RARB: variants seen among roughly 807,000 people sequenced by gnomAD.
RARB encodes HBV-activated protein.
Under a neutral mutation model 51.9 loss-of-function variants are expected in RARB, and 17 were observed. That is an observed-to-expected ratio of 0.33 (90% CI 0.22 to 0.49). The LOEUF (loss-of-function observed/expected upper bound fraction) is 0.49. Ranked by LOEUF, RARB falls within the 20% of genes least tolerant of loss-of-function variation. The pLI is 0.99. For synonymous variants in RARB, 215 were observed against 195.4 expected, an observed-to-expected ratio of 1.10 and a Z score of -0.84; for missense variants, 369 against 550.8, an observed-to-expected ratio of 0.67 and a Z score of 3.30.
At chr3:25,518,147 A>T (rs575657824) in intron 3 of RARB, among the ~76,000 whole-genome samples, 1 of 152,214 alleles carries the variant, frequency 6.6e-6, no homozygotes, top group African/African-American at 2.4e-5. Context: ...TCTTAATTTT[A>T]AAAAACCGAT....
At chr3:25,148,101 T>C (rs1700223832) in intron 4 of RARB, among the ~76,000 whole-genome samples, 1 of 152,208 alleles carries the variant, frequency 6.6e-6, no homozygotes, top group South Asian at 2.1e-4. Context: ...CTGTTACTTG[T>C]AGCCAAAAAG....
At chr3:25,275,268 C>G (rs1168685985) in intron 5 of RARB, among the ~76,000 whole-genome samples, 1 of 152,152 alleles carries the variant, frequency 6.6e-6, no homozygotes. Flanking sequence ...TCAAGACCAG[C>G]CTGGGCACAT....
At chr3:25,036,708 T>C (rs966411364) in intron 2 of RARB, among the ~76,000 whole-genome samples, 4 of 152,128 alleles carry the variant, frequency 2.6e-5, no homozygotes, top group Admixed American at 6.5e-5. Flanking sequence ...TCTTTGTTTG[T>C]AGGGCTGCTT....
intron 2 of RARB, among the ~76,000 whole-genome samples, chr3:24,920,236 C>T (rs1423529007): frequency 6.6e-6 from 1 of 152,096 alleles, no homozygotes; most frequent in Non-Finnish European, 1.5e-5. Flanking sequence ...AAAAATAGTC[C>T]ACCTCTATCC....
intron 2 of RARB, among the ~76,000 whole-genome samples, chr3:24,915,293 C>A (rs934311177): frequency 3.9e-5 from 6 of 152,034 alleles, no homozygotes; most frequent in Admixed American, 2.6e-4. Context: ...AAAGTACAGA[C>A]CTAGGTAAAA....
chr3:25,008,016 C>G (rs1014625620), intron 2 of RARB, among the ~76,000 whole-genome samples: 3 of 151,996 alleles, frequency 2.0e-5, no homozygotes, highest in African/African-American at 7.2e-5. Context: ...TGTGTAAGGT[C>G]TTAGCACAGC....
intron 5 of RARB, among the ~76,000 whole-genome samples, chr3:25,372,361 C>A (rs369113271): frequency 1.3e-5 from 2 of 152,114 alleles, no homozygotes; most frequent in Admixed American, 1.3e-4. Flanking sequence ...CCAAATGGCC[C>A]CTGTGGGACA....
intron 5 of RARB, among the ~76,000 whole-genome samples, chr3:25,385,134 A>G (rs1706754998): frequency 6.6e-6 from 1 of 152,078 alleles, no homozygotes; most frequent in Non-Finnish European, 1.5e-5. Flanking sequence ...TTTGCAATGC[A>G]CTCCATATAT....
intron 2 of RARB, among the ~76,000 whole-genome samples, chr3:25,012,975 A>G (rs1484495143): frequency 6.6e-6 from 1 of 152,190 alleles, no homozygotes; most frequent in East Asian, 1.9e-4. Context: ...TCTTTTTGGT[A>G]TCTTTCTCAG....
chr3:25,502,698 G>A (rs896556494), intron 3 of RARB, among the ~76,000 whole-genome samples: 3 of 152,116 alleles, frequency 2.0e-5, no homozygotes, highest in South Asian at 2.1e-4. Flanking sequence ...TTCAAGACTC[G>A]TGCGTAGAAT....
At chr3:25,129,454 A>G (rs967699691) in intron 3 of RARB, among the ~76,000 whole-genome samples, 1 of 152,112 alleles carries the variant, frequency 6.6e-6, no homozygotes, top group Non-Finnish European at 1.5e-5. Context: ...TGTAGGTTCA[A>G]TTTGTATTGA....
At chr3:25,185,105 A>C (rs2125359812) in intron 5 of RARB, among the ~76,000 whole-genome samples, 1 of 152,328 alleles carries the variant, frequency 6.6e-6, no homozygotes, top group African/African-American at 2.4e-5. Flanking sequence ...TACATTAGGC[A>C]TATGGAAGTT....
chr3:25,022,804 A>G (rs945251029), intron 2 of RARB, among the ~76,000 whole-genome samples: 11 of 152,224 alleles, frequency 7.2e-5, no homozygotes, highest in African/African-American at 2.7e-4. Flanking sequence ...GGCAAGAAGC[A>G]GCATGGTGGG....
At chr3:24,836,985 G>A (rs2125328496) in intron 1 of RARB, among the ~76,000 whole-genome samples, 1 of 152,290 alleles carries the variant, frequency 6.6e-6, no homozygotes, top group Non-Finnish European at 1.5e-5. Context: ...AAATTCACCA[G>A]CCCCTTGGGG....
chr3:25,380,646 A>C (rs1200979048), intron 5 of RARB, among the ~76,000 whole-genome samples: 1 of 152,232 alleles, frequency 6.6e-6, no homozygotes, highest in Non-Finnish European at 1.5e-5. Flanking sequence ...GACAAAATCA[A>C]ATGGCGTTTC....
At chr3:24,926,125 C>T (rs1429120490) in intron 2 of RARB, among the ~76,000 whole-genome samples, 1 of 152,018 alleles carries the variant, frequency 6.6e-6, no homozygotes, top group Non-Finnish European at 1.5e-5. Flanking sequence ...TCTTAATCTG[C>T]TATGATTTAT....
At chr3:25,593,730 T>C (rs1222848737) in intron 6 of RARB, 23 bp downstream of exon 6, 1 of 1,599,984 alleles carries the variant, frequency 6.3e-7, no homozygotes, top group Non-Finnish European at 8.6e-7. Context: ...TAGAAAAGCC[T>C]CATGAAATTC....
At chr3:25,294,965 T>C (rs1275204147) in intron 5 of RARB, among the ~76,000 whole-genome samples, 2 of 152,176 alleles carry the variant, frequency 1.3e-5, no homozygotes, top group South Asian at 2.1e-4. Flanking sequence ...TACTATGTGA[T>C]TAGTCCTGCT....
chr3:25,415,985 C>G (rs917594033), intron 5 of RARB, among the ~76,000 whole-genome samples: 1 of 152,164 alleles, frequency 6.6e-6, no homozygotes, highest in Non-Finnish European at 1.5e-5. Flanking sequence ...GGGCAAGGAA[C>G]ACACAGCAAT....
Sources: gnomAD v4.1 joint callset for allele counts (sites outside exome capture counted in the v4.1 genomes callset) on GRCh38, gnomAD v4.1.1 for gene constraint, MANE v1.5 for transcripts, NCBI Gene and HGNC (gene_info 2026-07-23, HGNC 2026-07-21) for gene names.